The following PRKN variants were observed in gnomAD, a reference collection of about 807,000 sequenced individuals.
The protein encoded by PRKN is E3 ubiquitin-protein ligase parkin.
PRKN carries 56 observed loss-of-function variants against 59.5 expected under a neutral mutation model. The ratio of observed to expected loss-of-function variants is 0.94; its 90% CI spans 0.76 to 1.18. PRKN has a LOEUF of 1.18. Among genes scored for constraint, PRKN ranks in the 50% most tolerant of loss-of-function variants. The probability of loss-of-function intolerance (pLI) is 0.00; values close to 1 mark genes in which losing one functional copy is unlikely to be tolerated. For synonymous variants in PRKN, 250 were observed against 222.1 expected (o/e 1.13, Z -1.12); for missense variants, 657 against 596.4 (o/e 1.10, Z -1.06).
chr6:162,584,835 ATCCCCTCCCCTCCCCTGTCCCATCTCC>A (rs1780964013), intron 1 of PRKN, among the ~76,000 whole-genome samples: 1 of 2,668 alleles, frequency 3.7e-4, no homozygotes, highest in African/African-American at 2.3e-3. Flanking sequence ...CCCCTGTCCC[ATCCCCTCCCCTCCCCTGTCCCATCTCC>A]TCCCCTCCCC....
Position 162,403,958 on chromosome 6 carries a change from T to G in PRKN, c.171+39352A>C, listed in dbSNP as rs986330459. Among the ~76,000 whole-genome samples the G allele has an allele frequency of 7.9e-5, 12 of 152,224 alleles. No homozygotes were observed. In the East Asian group the frequency reaches 2.3e-3, roughly 29 times the overall value. ...GGTGAAGGCTTACCTGTTTTTTTCA[T>G]GGCATTAAACCGAACCATTCACTTC... On this transcript the variant is annotated intron_variant, in intron 2 of 11. Coordinates refer to ENST00000366898, the MANE Select transcript of PRKN (RefSeq NM_004562.3).
chr6:162,275,876 T>C lies in PRKN; in HGVS notation c.172-13111A>G, dbSNP rs1319441318. Among the ~76,000 whole-genome samples, 6 of 152,108 alleles carry C rather than the reference T, an allele frequency of 3.9e-5. No individual in the cohort carries two copies. In the East Asian group the frequency reaches 1.2e-3, roughly 29 times the overall value. On this transcript the variant is annotated intron_variant, in intron 2 of 11. Coordinates refer to ENST00000366898, the MANE Select transcript of PRKN (RefSeq NM_004562.3). ...TTGATTGGTGGTTATCTATAGCTAATTGGCACATCTTAGAATGGGATCCTG... is the reference window on the plus strand; with the variant it reads ...TTGATTGGTGGTTATCTATAGCTAACTGGCACATCTTAGAATGGGATCCTG...
chr6:162,017,882 C>T (rs1244544306), intron 5 of PRKN, among the ~76,000 whole-genome samples: 3 of 144,664 alleles, frequency 2.1e-5, no homozygotes, highest in Non-Finnish European at 3.0e-5. Flanking sequence ...CAATACCAAG[C>T]ATGAAAAAAG....
Position 161,488,104 on chromosome 6 carries a change from G to T in PRKN, c.1083+60750C>A, listed in dbSNP as rs1468716787. Among the ~76,000 whole-genome samples the T allele has an allele frequency of 3.3e-5, 5 of 152,216 alleles. No individual in the cohort carries two copies. On this transcript the variant is annotated intron_variant, in intron 9 of 11. Transcript: ENST00000366898. The surrounding 1 kb of genome is among the most constrained non-coding windows in gnomAD (Gnocchi z 4.5). ...TACAGGGTGAGATCGTGCAGTGGTT[G>T]GGGAAGGCATGGTCTAAGCAGGCCT...
chr6:161,485,039 C>T (rs1791587095), intron 9 of PRKN, among the ~76,000 whole-genome samples: 1 of 152,142 alleles, frequency 6.6e-6, no homozygotes, highest in Admixed American at 6.5e-5. Context: ...TTTGACAGAC[C>T]AAGCATTTTG....
intron 9 of PRKN, among the ~76,000 whole-genome samples, chr6:161,450,640 T>A (rs2115120298): frequency 6.6e-6 from 1 of 152,254 alleles, no homozygotes; most frequent in South Asian, 2.1e-4. Context: ...CACTGCAACC[T>A]CTGCCTCCCA....
chr6:162,677,470 A>G (rs1314382688), intron 1 of PRKN, among the ~76,000 whole-genome samples: 13 of 85,748 alleles, frequency 1.5e-4, no homozygotes, highest in African/African-American at 8.7e-4. Flanking sequence ...TGTGGAGAAA[A>G]AAAAAAAAAA....
chr6:162,437,524 C>T (rs920180326), intron 2 of PRKN, among the ~76,000 whole-genome samples: 5 of 152,132 alleles, frequency 3.3e-5, no homozygotes, highest in Non-Finnish European at 5.9e-5. Context: ...GCACAGAGGA[C>T]GGCCGTCACC....
intron 7 of PRKN, among the ~76,000 whole-genome samples, chr6:161,684,043 T>C (rs1350458767): frequency 6.6e-6 from 1 of 152,230 alleles, no homozygotes; most frequent in Non-Finnish European, 1.5e-5. Context: ...TGTAAAGATG[T>C]GAATATATTC....
At chr6:162,237,466 A>C (rs182689325) in intron 3 of PRKN, among the ~76,000 whole-genome samples, 21 of 152,304 alleles carry the variant, frequency 1.4e-4, no homozygotes, top group Non-Finnish European at 2.2e-4. Context: ...GTGGTCTGTT[A>C]AATGTTTGCA....
chr6:161,773,203 G>A (rs1226124507), intron 7 of PRKN, among the ~76,000 whole-genome samples: 1 of 152,188 alleles, frequency 6.6e-6, no homozygotes, highest in Non-Finnish European at 1.5e-5. Context: ...AACTATACAA[G>A]TGCTATAAGC....
At chr6:161,744,346 T>A (rs1788325188) in intron 7 of PRKN, among the ~76,000 whole-genome samples, 1 of 152,012 alleles carries the variant, frequency 6.6e-6, no homozygotes, top group South Asian at 2.1e-4. Context: ...CACTTCGCTT[T>A]CAAAAACAAT....
intron 2 of PRKN, among the ~76,000 whole-genome samples, chr6:162,265,879 A>C (rs1780108032): frequency 6.6e-6 from 1 of 152,132 alleles, no homozygotes; most frequent in Non-Finnish European, 1.5e-5. Context: ...TATGGCACTG[A>C]GATTTCTGCT....
chr6:161,779,327 T>C (rs1245403647), intron 7 of PRKN, among the ~76,000 whole-genome samples: 1 of 152,044 alleles, frequency 6.6e-6, no homozygotes, highest in Non-Finnish European at 1.5e-5. Context: ...GTAATATGGG[T>C]TCCATCAGCT....
chr6:161,735,561 C>G (rs770978216), intron 7 of PRKN, among the ~76,000 whole-genome samples: 1 of 152,162 alleles, frequency 6.6e-6, no homozygotes, highest in Non-Finnish European at 1.5e-5. Context: ...AGATTTGCAA[C>G]TGTGCAGGGG....
Position 161,447,933 on chromosome 6 carries a change from G to A in PRKN, c.1084-61056C>T, listed in dbSNP as rs1444925523. On this transcript the variant is annotated intron_variant, in intron 9 of 11. Coordinates refer to ENST00000366898, the MANE Select transcript of PRKN (RefSeq NM_004562.3). This position sits in a 1 kb window ranked among gnomAD's most constrained non-coding sequence, Gnocchi z 4.1. ...GCAGGCTGTTTTTTCTCTCTGGTGC[G>A]TGACCACTGCTTCCTGATTTTTGTG... Among the ~76,000 whole-genome samples the A allele has an allele frequency of 3.3e-5, 5 of 152,184 alleles. No homozygotes were observed. Among genetic ancestry groups the A allele is most frequent in the African/African-American group, 7.2e-5 (3 of 41,448 alleles).
chr6:162,365,115 T>C (rs989282084), intron 2 of PRKN, among the ~76,000 whole-genome samples: 4 of 151,908 alleles, frequency 2.6e-5, no homozygotes, highest in Non-Finnish European at 4.4e-5. Context: ...TTGTATATTT[T>C]ATCAATAATA....
intron 3 of PRKN, among the ~76,000 whole-genome samples, chr6:162,252,608 G>C (rs1195486411): frequency 6.6e-6 from 1 of 152,196 alleles, no homozygotes; most frequent in Non-Finnish European, 1.5e-5. Flanking sequence ...AGATGCCCTG[G>C]AGAGCTGCTG....
At chr6:162,273,218 T>C (rs1413936703) in intron 2 of PRKN, among the ~76,000 whole-genome samples, 2 of 151,966 alleles carry the variant, frequency 1.3e-5, no homozygotes, top group African/African-American at 4.8e-5. Flanking sequence ...TTAGTGAAAA[T>C]GGTTACCTAT....
Sources: allele counts gnomAD v4.1 joint callset (sites outside exome capture counted in the v4.1 genomes callset), GRCh38; gene constraint gnomAD v4.1.1; non-coding constraint Gnocchi (gnomAD v3.1); transcripts MANE v1.5; gene names NCBI Gene and HGNC (gene_info 2026-07-23, HGNC 2026-07-21).